TLE3: variants seen among roughly 807,000 people sequenced by gnomAD.
The protein encoded by TLE3 is transducin-like enhancer protein 3.
A neutral mutation model predicts 93.0 loss-of-function variants in TLE3; 14 were observed. The observed-to-expected ratio is 0.15, with a 90% confidence interval of 0.10 to 0.24. The LOEUF is 0.24. Ranked by LOEUF, TLE3 falls within the 10% of genes least tolerant of loss-of-function variation. The pLI, the probability that TLE3 is intolerant of heterozygous loss-of-function variation, is 1.00. For synonymous variants in TLE3, 451 were observed against 425.0 expected (o/e 1.06, Z -0.75); for missense variants, 693 against 1,046.6 (o/e 0.66, Z 4.66).
rs1468341174 is a variant in TLE3, at chr15:70,053,335, G to A, written c.1866C>T (p.Asp622=). Residue 622 remains aspartate (D), a synonymous_variant, in exon 17 of 20, where the codon GAC becomes GAT. Coordinates refer to ENST00000451782, the MANE Select transcript of TLE3 (RefSeq NM_001105192.3). The part of the protein sequence containing the change: ...QGHTDGASCI[D]ISHDGTKLWT... ...ACAGTTTGGTGCCATCATGGGAGAT[G>A]TCTATGCAGCTGGCCCCATCTGTGT... The A allele has an allele frequency of 6.2e-7, 1 of 1,609,392 alleles. No homozygotes were observed. The highest frequency in any genetic ancestry group is 8.5e-7 in the Non-Finnish European group (1 of 1,177,836).
rs1566995910 is a variant in TLE3, at chr15:70,058,997, A to T, written c.766-182T>A. On this transcript the variant is annotated intron_variant, in intron 10 of 19. Transcript: ENST00000451782. This position sits in a 1 kb window ranked among gnomAD's most constrained non-coding sequence, Gnocchi z 4.1. Reference sequence around the variant, plus strand: ...CATCTGGTCTGACTGAGGCCTAGGGAGGGTGGAAGGATGGTCTTCCCAATG... The same window carrying T: ...CATCTGGTCTGACTGAGGCCTAGGGTGGGTGGAAGGATGGTCTTCCCAATG... Among the ~76,000 whole-genome samples, 3 of 152,174 alleles carry T rather than the reference A, an allele frequency of 2.0e-5. No individual in the cohort carries two copies. Among genetic ancestry groups the T allele is most frequent in the African/African-American group, 7.2e-5 (3 of 41,440 alleles).
At chr15:70,063,940 G>C (rs768238238) in intron 8 of TLE3, among the ~76,000 whole-genome samples, 9 of 152,186 alleles carry the variant, frequency 5.9e-5, no homozygotes, top group Non-Finnish European at 1.2e-4. Context: ...CCTAGCAGGG[G>C]GGTGGTAAAA....
At position 70,056,314 on chromosome 15, in the gene TLE3, T is replaced by C. The variant is rs753552513; in HGVS notation, c.1312A>G (p.Ile438Val). The change falls in exon 14 of 20, where the codon ATT becomes GTT. Residue 438 changes from isoleucine (I) to valine (V), a missense_variant. Coordinates refer to ENST00000451782, the MANE Select transcript of TLE3 (RefSeq NM_001105192.3). ...AAAGCTTACGGTTTTCCTCCAGGAA[T>C]GGAGGCCAGGCTTGAGGGGAGGCCT... ...ATGLPSSLASIPGGKPAYSFH... is the reference protein window; with the variant it reads ...ATGLPSSLASVPGGKPAYSFH... 1.9e-6 allele frequency: 3 copies of C among 1,613,582 alleles called. No individual in the cohort carries two copies. The highest frequency in any genetic ancestry group is 2.2e-5 in the East Asian group (1 of 44,892).
At chr15:70,065,969 G>GCCCCCCCCCGCCCCCCCCCCCC in intron 7 of TLE3, 45 bp downstream of exon 7, 3 of 1,294,406 alleles carry the variant, frequency 2.3e-6, no homozygotes, top group Non-Finnish European at 3.3e-6. Flanking sequence ...GAGCGCCCAT[G>GCCCCCCCCCGCCCCCCCCCCCC]CCCACCCCTG....
intron 14 of TLE3, 160 bp from the exon 15 acceptor site, chr15:70,055,458 T>C: frequency 2.0e-6 from 2 of 978,774 alleles, no homozygotes; most frequent in Middle Eastern, 5.7e-4. Flanking sequence ...TGTACTGGGA[T>C]GGCTCCATCG....
Position 70,058,783 on chromosome 15 carries a change from G to A in TLE3, c.798C>T (p.His266=). 6.2e-7 allele frequency: 1 copy of A among 1,608,110 alleles called. No homozygotes were observed. Among genetic ancestry groups the A allele is most frequent in the Non-Finnish European group, 8.5e-7 (1 of 1,177,220 alleles). Residue 266 remains histidine (H), a synonymous_variant, in exon 11 of 20, where the codon CAC becomes CAT. Coordinates refer to ENST00000451782, the MANE Select transcript of TLE3 (RefSeq NM_001105192.3). The surrounding 1 kb of genome is among the most constrained non-coding windows in gnomAD (Gnocchi z 4.1). ...DPATPRVSPA[H]SPPENGLDKA... ...TGTCCAGCCCATTTTCAGGAGGGGA[G>A]TGTGCCGGGCTGACCCGGGGCGTTG...
intron 13 of TLE3, among the ~76,000 whole-genome samples, chr15:70,056,598 T>C (rs1285960650): frequency 6.6e-6 from 1 of 152,042 alleles, no homozygotes; most frequent in Non-Finnish European, 1.5e-5. Flanking sequence ...TGAACCAGCA[T>C]CCTCCCTGTT....
chr15:70,056,523 T>C, intron 13 of TLE3, 149 bp from the exon 14 acceptor site: 1 of 719,672 alleles, frequency 1.4e-6, no homozygotes, highest in Middle Eastern at 4.0e-4. Context: ...AGCCCATTGA[T>C]TCAGAGGAGA....
In TLE3 at chr15:70,096,759, A is replaced by G; in HGVS notation, c.24+16T>C. On this transcript the variant is annotated intron_variant, in intron 1 of 19. Transcript: ENST00000451782. ...CCATGATAGATGCTTAAATAAACCG[A>G]GTTGCAATTACTCACCGGATGTCTG... The G allele has an allele frequency of 1.2e-6, 2 of 1,613,146 alleles. No homozygotes were observed. The highest frequency in any genetic ancestry group is 1.1e-5 in the South Asian group (1 of 90,886).
intron 3 of TLE3, 48 bp from the exon 4 acceptor site, chr15:70,094,624 CAT>C (rs1567061981): frequency 7.2e-7 from 1 of 1,389,348 alleles, no homozygotes. Context: ...GAAATCTGGT[CAT>C]TTTTCAAAAT....
intron 17 of TLE3, 95 bp from the exon 18 acceptor site, chr15:70,052,619 C>T: frequency 7.1e-7 from 1 of 1,403,370 alleles, no homozygotes; most frequent in Non-Finnish European, 9.5e-7. Context: ...TCCTCTGAGG[C>T]TCAGGGTCCC....
chr15:70,053,177 G>C (rs958699585), intron 17 of TLE3, 50 bp downstream of exon 17: 3 of 1,573,416 alleles, frequency 1.9e-6, no homozygotes, highest in Non-Finnish European at 2.6e-6. Flanking sequence ...GGGCCCCGGA[G>C]GGAGGGAACA....
Position 70,060,638 on chromosome 15 carries a change from C to T in TLE3, c.606G>A (p.Val202=). The T allele has an allele frequency of 6.2e-7, 1 of 1,613,908 alleles. No homozygotes were observed. The highest frequency in any genetic ancestry group is 8.5e-7 in the Non-Finnish European group (1 of 1,179,858). ...TGGCCCGGAGGCTTTCCGAGGGTGA[C>T]ACAGAGTTATTCTGGAAGGAAAAAG... ...RERESSANNS[V]SPSESLRASE... The change falls in exon 9 of 20, where the codon GTG becomes GTA. Residue 202 remains valine (V), a synonymous_variant. Transcript: ENST00000451782.
intron 9 of TLE3, among the ~76,000 whole-genome samples, chr15:70,060,000 C>T (rs1251307500): frequency 6.6e-6 from 1 of 152,236 alleles, no homozygotes; most frequent in Non-Finnish European, 1.5e-5. Context: ...GCACCATATC[C>T]TCCCCTTCCC....
At chr15:70,056,422 C>A (rs754317116) in intron 13 of TLE3, 48 bp from the exon 14 acceptor site, 5 of 1,561,754 alleles carry the variant, frequency 3.2e-6, no homozygotes, top group South Asian at 2.3e-5. Flanking sequence ...CTGCCACACA[C>A]CCCCACCCCT....
Position 70,058,127 on chromosome 15 carries a change from T to G in TLE3, c.1051+32A>C. The stretch of plus-strand genomic sequence containing the variant: ...AGCAGACCCCCTCCCCCCAATCAGA[T>G]TAACCCAGCCCATGGTGCCTACCCA... On this transcript the variant is annotated intron_variant, in intron 12 of 19. Transcript: ENST00000451782. This position sits in a 1 kb window ranked among gnomAD's most constrained non-coding sequence, Gnocchi z 4.1. The G allele has an allele frequency of 6.2e-7, 1 of 1,613,570 alleles. No homozygotes were observed. Among genetic ancestry groups the G allele is most frequent in the South Asian group, 1.1e-5 (1 of 91,042 alleles).
intron 6 of TLE3, among the ~76,000 whole-genome samples, chr15:70,071,053 A>G (rs922173942): frequency 5.9e-5 from 9 of 152,178 alleles, no homozygotes; most frequent in Non-Finnish European, 8.8e-5. Flanking sequence ...CAGTCCAAAG[A>G]TCTTGGGCCA....
Position 70,058,942 on chromosome 15 carries a change from C to A in TLE3, c.766-127G>T. 7.6e-7 allele frequency: 1 copy of A among 1,310,760 alleles called. No individual in the cohort carries two copies. The highest frequency in any genetic ancestry group is 2.7e-5 in the East Asian group (1 of 37,492). The allele number at this position is 1,310,760 out of a possible 1,614,324, so 81.2% of individuals were successfully genotyped here. A position where few individuals can be genotyped will look rare whatever the true frequency, so the allele number is the denominator to read the frequency against. On this transcript the variant is annotated intron_variant, in intron 10 of 19. Transcript: ENST00000451782. This position sits in a 1 kb window ranked among gnomAD's most constrained non-coding sequence, Gnocchi z 4.1. ...ACGAGCTTGGCTGAAAGACTGGGGG[C>A]CCCACAGTGAGGAAAAACTAGCTCT...
intron 15 of TLE3, 82 bp from the exon 16 acceptor site, chr15:70,054,767 A>AG: frequency 5.5e-6 from 8 of 1,457,358 alleles, no homozygotes; most frequent in Non-Finnish European, 6.4e-6. Flanking sequence ...AACACCGAGC[A>AG]CCCTCACCAG....
Sources: gnomAD v4.1 joint callset for allele counts (sites outside exome capture counted in the v4.1 genomes callset) on GRCh38, gnomAD v4.1.1 for gene constraint, Gnocchi (gnomAD v3.1) non-coding constraint, MANE v1.5 for transcripts, NCBI Gene and HGNC (gene_info 2026-07-23, HGNC 2026-07-21) for gene names.